Variants in SIMC1 observed in about 807,000 individuals in gnomAD.
SIMC1 encodes SUMO-interacting motif-containing protein 1.
SIMC1 carries 55 observed loss-of-function variants against 82.3 expected under a neutral mutation model. The ratio of observed to expected loss-of-function variants is 0.67; its 90% confidence interval spans 0.54 to 0.84. SIMC1 has a LOEUF of 0.84. Ranked by LOEUF, SIMC1 falls within the 40% of genes least tolerant of loss-of-function variation. The pLI, the probability that SIMC1 is intolerant of heterozygous loss-of-function variation, is 0.00. For missense variants in SIMC1, 915 were observed against 1,107.2 expected (o/e 0.83, Z 2.46); for synonymous variants, 353 against 426.3 (o/e 0.83, Z 2.12).
intron 4 of SIMC1, among the ~76,000 whole-genome samples, chr5:176,297,282 C>T (rs1262138276): frequency 2.6e-5 from 4 of 152,064 alleles, no homozygotes; most frequent in Admixed American, 2.0e-4. Context: ...GGGCAAATCA[C>T]CTGAGGTCGG....
chr5:176,287,415 T>C (rs1047481635), intron 1 of SIMC1, among the ~76,000 whole-genome samples: 2 of 151,924 alleles, frequency 1.3e-5, no homozygotes, highest in African/African-American at 4.8e-5. Context: ...CACTCATAGG[T>C]GGGAATTGAA....
intron 4 of SIMC1, among the ~76,000 whole-genome samples, chr5:176,302,806 T>C (rs1764099421): frequency 6.6e-6 from 1 of 152,120 alleles, no homozygotes; most frequent in African/African-American, 2.4e-5. Context: ...TCATTTACAA[T>C]ATCATCAAAA....
chr5:176,286,378 C>T (rs1223776098), intron 1 of SIMC1, among the ~76,000 whole-genome samples: 3 of 152,262 alleles, frequency 2.0e-5, no homozygotes, highest in Non-Finnish European at 4.4e-5. Flanking sequence ...CAAAAACAAG[C>T]AATGGGGAAA....
At position 176,272,957 on chromosome 5, in the gene SIMC1, C is replaced by G. The variant is rs187161994; in HGVS notation, c.130-16697C>G. The stretch of plus-strand genomic sequence containing the variant: ...CCAGGAAGCTCAAACTGGGTGGAGC[C>G]CACCGCAGCTCAAGGCCTGCCTGCC... On this transcript the variant is annotated intron_variant, in intron 1 of 9. Transcript: ENST00000429602. Among the ~76,000 whole-genome samples, 3 of 152,294 alleles carry G rather than the reference C, an allele frequency of 2.0e-5. No individual in the cohort carries two copies. The South Asian group carries it at 6.2e-4, about 32-fold the overall frequency.
At chr5:176,304,824 G>A (rs1208694214) in intron 4 of SIMC1, among the ~76,000 whole-genome samples, 77 of 150,388 alleles carry the variant, frequency 5.1e-4, no homozygotes, top group African/African-American at 1.8e-3. Context: ...TGTGGGGAGC[G>A]CCTCTGCCCC....
intron 1 of SIMC1, among the ~76,000 whole-genome samples, chr5:176,248,443 T>C (rs774958569): frequency 2.0e-5 from 3 of 152,166 alleles, no homozygotes; most frequent in Non-Finnish European, 4.4e-5. Context: ...CTTGTGACTT[T>C]TGCACATTGA....
intron 7 of SIMC1, 149 bp from the exon 8 acceptor site, chr5:176,336,571 C>T: frequency 9.1e-7 from 1 of 1,103,472 alleles, no homozygotes; most frequent in East Asian, 2.4e-5. Context: ...CTACCCTGTC[C>T]ACAGGTTTTG....
intron 4 of SIMC1, chr5:176,308,075 G>C: frequency 1.4e-6 from 1 of 730,528 alleles, no homozygotes; most frequent in South Asian, 1.5e-5. Flanking sequence ...GGCAGTGCAG[G>C]TGGTGCAGGC....
At chr5:176,265,296 T>G (rs2113157879) in intron 1 of SIMC1, among the ~76,000 whole-genome samples, 1 of 124,124 alleles carries the variant, frequency 8.1e-6, no homozygotes, top group East Asian at 2.4e-4. Context: ...ACAAACAGGA[T>G]TCTGACCGAA....
rs1209215386 is a variant in SIMC1 at position 176,249,859 on chromosome 5, A to AAAT, written c.129+11224_129+11225insTAA. ...ATTCCGTCTCAAAAAAAAAAAAAAA[A>AAAT]AAAAACCAGCTCCTGAATTCATTGA... On this transcript the variant is annotated intron_variant, in intron 1 of 9. Coordinates refer to ENST00000429602, the MANE Select transcript of SIMC1 (RefSeq NM_001308195.2). 8.5e-4 allele frequency among the ~76,000 whole-genome samples: 129 copies of AAAT among 151,454 alleles called. 1 individual carries two copies. The highest frequency in any genetic ancestry group is 3.4e-3 in the Middle Eastern group (1 of 294).
intron 1 of SIMC1, among the ~76,000 whole-genome samples, chr5:176,252,975 C>CA (rs1040978063): frequency 5.9e-5 from 9 of 152,100 alleles, no homozygotes; most frequent in African/African-American, 2.2e-4. Context: ...CTGTCTCCAC[C>CA]AAAAAAATAC....
chr5:176,313,933 G>A (rs1764786980), intron 5 of SIMC1, 88 bp downstream of exon 5: 2 of 1,556,796 alleles, frequency 1.3e-6, no homozygotes, highest in Admixed American at 1.8e-5. Flanking sequence ...GCCAGGTGAG[G>A]TTTTCTAGTC....
chr5:176,291,834 A>C (rs1179230165), intron 2 of SIMC1, among the ~76,000 whole-genome samples: 1 of 152,186 alleles, frequency 6.6e-6, no homozygotes, highest in Non-Finnish European at 1.5e-5. Flanking sequence ...AAGTAATAAC[A>C]TACCTCACAG....
intron 1 of SIMC1, among the ~76,000 whole-genome samples, chr5:176,246,659 G>A (rs1266802513): frequency 6.6e-6 from 1 of 151,676 alleles, no homozygotes; most frequent in Admixed American, 6.6e-5. Flanking sequence ...TGTGCAGAAC[G>A]TGCAGGTTTG....
chr5:176,290,749 C>T lies in SIMC1; in HGVS notation c.1225C>T (p.Pro409Ser), dbSNP rs1763521647. 1.9e-6 allele frequency: 3 copies of T among 1,613,168 alleles called. No homozygotes were observed. The East Asian group carries it at 6.7e-5, about 36-fold the overall frequency. ...GTCTGAAACTCCCTTAGAGAAAGTT[C>T]CTTGGCTCTCTGTCATGGAAACCCC... Reference protein sequence around the residue: ...PQSETPLEKVPWLSVMETPAR... With the variant: ...PQSETPLEKVSWLSVMETPAR... Residue 409 changes from proline to serine, a missense_variant, in exon 2 of 10, where the codon CCT (proline) becomes TCT (serine). This residue lies in a region of SIMC1 where 902 missense variants were observed against 1,040.3 expected (regional missense o/e 0.87). Coordinates refer to ENST00000429602, the MANE Select transcript of SIMC1 (RefSeq NM_001308195.2).
chr5:176,308,324 G>T (rs990854031), intron 4 of SIMC1: 5 of 1,485,420 alleles, frequency 3.4e-6, no homozygotes, highest in Non-Finnish European at 4.7e-6. Context: ...ATAAGAGGAA[G>T]GACCAAGTAG....
At position 176,345,327 on chromosome 5, in the gene SIMC1, G is replaced by C; in HGVS notation, c.2558G>C (p.Gly853Ala). ...CGCAGCCGCCTGATCCAGATGCTGG[G>C]GGAGCCTCTTGTCCCCCAACTCCAA... ...AFRSRLIQML[G>A]EPLVPQLQDK... Residue 853 changes from glycine (G) to alanine (A), a missense_variant, in exon 10 of 10, where the codon GGG (glycine) becomes GCG (alanine). By Grantham distance (60) the Gly-to-Ala change is moderately conservative (BLOSUM62 0). Around this residue, in one of 2 missense-constraint regions of SIMC1, gnomAD observed 902 missense variants for 1,040.3 expected, o/e 0.87. Coordinates refer to ENST00000429602, the MANE Select transcript of SIMC1 (RefSeq NM_001308195.2). 2.5e-6 allele frequency: 4 copies of C among 1,613,938 alleles called. No individual in the cohort carries two copies. The highest frequency in any genetic ancestry group is 3.4e-6 in the Non-Finnish European group (4 of 1,179,890).
At chr5:176,269,379 GA>G (rs1762332138) in intron 1 of SIMC1, among the ~76,000 whole-genome samples, 1 of 152,106 alleles carries the variant, frequency 6.6e-6, no homozygotes, top group African/African-American at 2.4e-5. Context: ...AAGTTGATAG[GA>G]AATATTATGA....
Position 176,324,752 on chromosome 5 carries a change from C to T in SIMC1, c.2166C>T (p.Ser722=). 1 of 1,590,380 alleles carries T rather than the reference C, an allele frequency of 6.3e-7. No homozygotes were observed. The highest frequency in any genetic ancestry group is 8.6e-7 in the Non-Finnish European group (1 of 1,168,234). Residue 722 remains serine, a synonymous_variant, in exon 7 of 10, where the codon AGC becomes AGT. Transcript: ENST00000429602. ...TTGTGCTGGACATTCCTGAGAGGAG[C>T]CAGAGGTGAGTCTTGATTTTGTTGG... ...FGFVLDIPER[S]QREMFFTTME... is the part of the protein sequence containing the mutation.
Sources: gnomAD v4.1 joint callset for allele counts (sites outside exome capture counted in the v4.1 genomes callset) on GRCh38, gnomAD v4.1.1 for gene constraint, gnomAD v4.1.1 regional missense constraint, MANE v1.5 for transcripts, NCBI Gene and HGNC (gene_info 2026-07-23, HGNC 2026-07-21) for gene names.